Variants in KATNA1 observed in about 807,000 individuals in gnomAD.
KATNA1 encodes the protein katanin p60 ATPase-containing subunit A1.
KATNA1 carries 42 observed loss-of-function variants against 62.6 expected under a neutral mutation model. That is an observed-to-expected ratio of 0.67 (90% CI 0.52 to 0.87). The LOEUF is 0.87. KATNA1 is among the 40% of genes least tolerant of loss of function. KATNA1 has a pLI of 0.00. For missense variants in KATNA1, 498 were observed against 612.5 expected, an observed-to-expected ratio of 0.81 and a Z score of 1.97; for synonymous variants, 186 against 201.9, an observed-to-expected ratio of 0.92 and a Z score of 0.67.
At chr6:149,599,291 A>G (rs1778443851) in intron 7 of KATNA1, among the ~76,000 whole-genome samples, 1 of 151,542 alleles carries the variant, frequency 6.6e-6, no homozygotes, top group African/African-American at 2.4e-5. Flanking sequence ...AAAATTCTCA[A>G]CTAAAATTTT....
chr6:149,604,615 G>T, intron 5 of KATNA1, 46 bp downstream of exon 5: 1 of 1,605,530 alleles, frequency 6.2e-7, no homozygotes, highest in Non-Finnish European at 8.5e-7. Flanking sequence ...TTTCCATTCC[G>T]AATAGCATCA....
intron 4 of KATNA1, among the ~76,000 whole-genome samples, chr6:149,607,170 A>T (rs898998417): frequency 2.0e-5 from 3 of 152,220 alleles, no homozygotes; most frequent in Admixed American, 1.3e-4. Context: ...TCGCAGACAA[A>T]GCAAAACAAA....
chr6:149,612,752 C>T (rs1779007952), intron 4 of KATNA1, among the ~76,000 whole-genome samples: 1 of 152,006 alleles, frequency 6.6e-6, no homozygotes, highest in African/African-American at 2.4e-5. Context: ...AAAAGAATTA[C>T]ATACCATGAC....
Position 149,603,271 on chromosome 6 carries a change from C to T in KATNA1, c.726G>A (p.Trp242Ter). Residue 242 changes from tryptophan (W) to a stop codon, truncating the protein, a stop_gained, in exon 6 of 11, where the codon TGG (tryptophan) becomes TGA (stop). Transcript: ENST00000367411. LOFTEE classifies it high-confidence loss of function. ...PEFFKGIRRPWKGVLMVGPPG... is the reference protein window; with the variant it reads ...PEFFKGIRRP ...GCCATCACAGTAATAAACTTACTTTCCATGGTCTCCTAATGCCCTTAAAGA... is the reference window on the plus strand; with the variant it reads ...GCCATCACAGTAATAAACTTACTTTTCATGGTCTCCTAATGCCCTTAAAGA... The T allele has an allele frequency of 6.9e-7, 1 of 1,450,196 alleles. No individual in the cohort carries two copies. The highest frequency in any genetic ancestry group is 9.6e-7 in the Non-Finnish European group (1 of 1,047,056). 89.8% of individuals were successfully genotyped at this position (1,450,196 alleles called of 1,614,324 possible). A position where few individuals can be genotyped will look rare whatever the true frequency, so the allele number is the denominator to read the frequency against.
chr6:149,596,735 A>C (rs963557909), intron 10 of KATNA1, among the ~76,000 whole-genome samples: 5 of 152,008 alleles, frequency 3.3e-5, no homozygotes, highest in African/African-American at 1.2e-4. Flanking sequence ...CTAATTTTTA[A>C]AATTTTTTTC....
chr6:149,631,083 G>A (rs1215655305), intron 3 of KATNA1, among the ~76,000 whole-genome samples: 2 of 152,142 alleles, frequency 1.3e-5, no homozygotes, highest in Admixed American at 6.6e-5. Context: ...CACTGTGGGT[G>A]TATAATGCAG....
At chr6:149,635,000 G>C (rs1780015611) in intron 2 of KATNA1, among the ~76,000 whole-genome samples, 1 of 150,090 alleles carries the variant, frequency 6.7e-6, no homozygotes, top group South Asian at 2.1e-4. Flanking sequence ...ATCCAGTCTG[G>C]AATGCAGTAA....
chr6:149,613,196 A>AT (rs1779028772), intron 4 of KATNA1, among the ~76,000 whole-genome samples: 1 of 136,970 alleles, frequency 7.3e-6, no homozygotes, highest in African/African-American at 2.8e-5. Flanking sequence ...AAAAAAAAAA[A>AT]AAAAAAAAAA....
At chr6:149,597,775 TTAG>T in intron 8 of KATNA1, 134 bp from the exon 9 acceptor site, 1 of 740,236 alleles carries the variant, frequency 1.4e-6, no homozygotes, top group Non-Finnish European at 2.2e-6. Flanking sequence ...TCCTTAAGAC[TTAG>T]GTTAACTGGT....
intron 3 of KATNA1, among the ~76,000 whole-genome samples, chr6:149,630,144 CCTA>C (rs1355679049): frequency 1.3e-5 from 2 of 152,146 alleles, no homozygotes; most frequent in Non-Finnish European, 2.9e-5. Flanking sequence ...TGATTTTCCC[CCTA>C]CTTCAATGAA....
At chr6:149,595,270 A>T (rs1213311678) in intron 10 of KATNA1, 36 bp from the exon 11 acceptor site, 2 of 1,551,924 alleles carry the variant, frequency 1.3e-6, no homozygotes, top group Admixed American at 3.5e-5. Context: ...CAACACACAC[A>T]ATGTTACTTT....
chr6:149,647,299 G>A (rs1433480354), intron 1 of KATNA1, among the ~76,000 whole-genome samples: 1 of 151,612 alleles, frequency 6.6e-6, no homozygotes, highest in African/African-American at 2.4e-5. Context: ...CTAGGCGGGC[G>A]GATCACAATG....
At chr6:149,597,285 T>A in intron 9 of KATNA1, 96 bp from the exon 10 acceptor site, 1 of 1,364,436 alleles carries the variant, frequency 7.3e-7, no homozygotes, top group Non-Finnish European at 1.0e-6. Flanking sequence ...TGTCTTCCAG[T>A]AAGAATTGGA....
chr6:149,627,113 G>A (rs928886963), intron 3 of KATNA1, among the ~76,000 whole-genome samples: 1 of 151,758 alleles, frequency 6.6e-6, no homozygotes, highest in African/African-American at 2.4e-5. Flanking sequence ...TAAAGAAGGG[G>A]GCCAGGCATG....
chr6:149,633,098 CA>C (rs1779913689), intron 2 of KATNA1, among the ~76,000 whole-genome samples, 182 bp from the exon 3 acceptor site: 1 of 137,806 alleles, frequency 7.3e-6, no homozygotes. Context: ...TTTTCAATTG[CA>C]ATTTTTTTTT....
At chr6:149,632,941 G>A (rs763892379) in intron 2 of KATNA1, 25 bp from the exon 3 acceptor site, 1 of 1,573,812 alleles carries the variant, frequency 6.4e-7, no homozygotes, top group Non-Finnish European at 8.6e-7. Context: ...GAAGATGGAT[G>A]TTTAAATTTC....
Position 149,597,576 on chromosome 6 carries a change from A to T in KATNA1, c.1081T>A (p.Phe361Ile). 1.9e-6 allele frequency: 3 copies of T among 1,614,058 alleles called. No individual in the cohort carries two copies. Among genetic ancestry groups the T allele is most frequent in the Non-Finnish European group, 2.5e-6 (3 of 1,179,932 alleles). Residue 361 changes from phenylalanine to isoleucine, a missense_variant, in exon 9 of 11, where the codon TTT becomes ATT. Coordinates refer to ENST00000367411, the MANE Select transcript of KATNA1 (RefSeq NM_007044.4). ...AAAGCCTCATCTATATCCCAGGGAA[A>T]ATTAGTAGCTGCCAGAACCATAACC... Reference protein sequence around the residue: ...KMVMVLAATNFPWDIDEALRR... With the variant: ...KMVMVLAATNIPWDIDEALRR...
intron 10 of KATNA1, 113 bp downstream of exon 10, chr6:149,596,950 C>T (rs1368746849): frequency 1.9e-6 from 2 of 1,041,556 alleles, no homozygotes; most frequent in African/African-American, 3.2e-5. Flanking sequence ...GACTGCGCCT[C>T]TACTCTCCAG....
intron 4 of KATNA1, among the ~76,000 whole-genome samples, chr6:149,610,737 A>G (rs1031042269): frequency 6.6e-5 from 10 of 152,150 alleles, no homozygotes; most frequent in African/African-American, 2.4e-4. Context: ...CACTAAATGC[A>G]TATGTTAGAC....
Sources: allele counts gnomAD v4.1 joint callset (sites outside exome capture counted in the v4.1 genomes callset), GRCh38; gene constraint gnomAD v4.1.1; transcripts MANE v1.5; gene names NCBI Gene and HGNC (gene_info 2026-07-23, HGNC 2026-07-21).